The following CPA6 variants were observed in gnomAD, a reference collection of about 807,000 sequenced individuals.
The protein encoded by CPA6 is carboxypeptidase B.
CPA6 carries 58 observed loss-of-function variants against 63.3 expected under a neutral mutation model. The observed-to-expected ratio is 0.92, with a 90% CI of 0.74 to 1.14. The LOEUF is 1.14. Ranked by LOEUF, CPA6 falls within the 50% of genes most tolerant of loss-of-function variation. CPA6 has a pLI of 0.00. For missense variants in CPA6, 565 were observed against 526.6 expected (o/e 1.07, Z -0.71); for synonymous variants, 185 against 179.0 (o/e 1.03, Z -0.27).
At chr8:67,446,798 T>C (rs1178193132) in intron 8 of CPA6, among the ~76,000 whole-genome samples, 1 of 152,176 alleles carries the variant, frequency 6.6e-6, no homozygotes, top group African/African-American at 2.4e-5. Flanking sequence ...AAAGATTTCT[T>C]TTTTACTTGC....
At chr8:67,578,743 T>TA (rs556166146) in intron 2 of CPA6, among the ~76,000 whole-genome samples, 135 of 152,264 alleles carry the variant, frequency 8.9e-4, no homozygotes, top group African/African-American at 3.0e-3. Flanking sequence ...ATTTACATAA[T>TA]AAAAAAACAT....
At chr8:67,646,081 C>A (rs138946111) in intron 1 of CPA6, among the ~76,000 whole-genome samples, 25 of 152,310 alleles carry the variant, frequency 1.6e-4, no homozygotes, top group Non-Finnish European at 2.8e-4. Context: ...TCTGAAGAAC[C>A]TCTAACTTCA....
intron 2 of CPA6, among the ~76,000 whole-genome samples, chr8:67,554,665 T>A (rs1471218040): frequency 1.3e-5 from 2 of 152,142 alleles, no homozygotes; most frequent in Non-Finnish European, 2.9e-5. Context: ...AAGCCAATGG[T>A]GTAATTCTCA....
intron 2 of CPA6, among the ~76,000 whole-genome samples, chr8:67,580,114 G>A (rs767078355): frequency 7.9e-5 from 12 of 152,166 alleles, no homozygotes; most frequent in Non-Finnish European, 1.8e-4. Context: ...GGAAAGAAGG[G>A]AATACAAAGG....
chr8:67,594,324 C>T (rs1814229202), intron 2 of CPA6, among the ~76,000 whole-genome samples: 1 of 152,020 alleles, frequency 6.6e-6, no homozygotes, highest in African/African-American at 2.4e-5. Context: ...ACATTTTTTC[C>T]TTCATTTCAA....
At chr8:67,450,692 GTATCTAT>G (rs1315330534) in intron 8 of CPA6, among the ~76,000 whole-genome samples, 1 of 152,186 alleles carries the variant, frequency 6.6e-6, no homozygotes, top group Admixed American at 6.5e-5. Context: ...ATCTTGCCTT[GTATCTAT>G]TGGCTGTATA....
At chr8:67,437,317 C>T (rs184141121) in intron 8 of CPA6, among the ~76,000 whole-genome samples, 55 of 152,298 alleles carry the variant, frequency 3.6e-4, no homozygotes, top group African/African-American at 1.3e-3. Flanking sequence ...ATGGCACGAA[C>T]CCGGGAGGCG....
At chr8:67,533,127 T>TC (rs1460867239) in intron 2 of CPA6, among the ~76,000 whole-genome samples, 1 of 152,142 alleles carries the variant, frequency 6.6e-6, no homozygotes, top group Non-Finnish European at 1.5e-5. Flanking sequence ...GAAAAACCAC[T>TC]CAATCATGGA....
chr8:67,614,322 G>C (rs553804377), intron 2 of CPA6, among the ~76,000 whole-genome samples: 1 of 152,212 alleles, frequency 6.6e-6, no homozygotes, highest in South Asian at 2.1e-4. Context: ...TCTGCAAGGG[G>C]GATCAGGGAA....
intron 2 of CPA6, among the ~76,000 whole-genome samples, chr8:67,600,958 T>A (rs1043520201): frequency 6.6e-6 from 1 of 152,174 alleles, no homozygotes; most frequent in Non-Finnish European, 1.5e-5. Context: ...AAAACACTAC[T>A]CTTTATGGAG....
intron 2 of CPA6, among the ~76,000 whole-genome samples, chr8:67,602,143 AGAC>A (rs1814512671): frequency 6.6e-6 from 1 of 152,202 alleles, no homozygotes; most frequent in Admixed American, 6.5e-5. Flanking sequence ...AAAAGGGAGA[AGAC>A]AAATATATCT....
At chr8:67,737,450 T>C (rs546094332) in intron 1 of CPA6, among the ~76,000 whole-genome samples, 1 of 152,226 alleles carries the variant, frequency 6.6e-6, no homozygotes, top group Admixed American at 6.5e-5. Flanking sequence ...ATGTGTTTTT[T>C]TTCCCCCCTT....
At chr8:67,714,044 A>G (rs1817328327) in intron 1 of CPA6, among the ~76,000 whole-genome samples, 2 of 152,114 alleles carry the variant, frequency 1.3e-5, no homozygotes, top group South Asian at 2.1e-4. Flanking sequence ...TTTAAATATC[A>G]AGGTTAAAAT....
At chr8:67,446,571 G>T (rs1262698879) in intron 8 of CPA6, among the ~76,000 whole-genome samples, 1 of 152,126 alleles carries the variant, frequency 6.6e-6, no homozygotes, top group Non-Finnish European at 1.5e-5. Flanking sequence ...AAAAGCAGCA[G>T]AAATATTTGG....
At chr8:67,485,279 T>C (rs924496590) in intron 6 of CPA6, among the ~76,000 whole-genome samples, 2 of 152,184 alleles carry the variant, frequency 1.3e-5, no homozygotes, top group Non-Finnish European at 2.9e-5. Context: ...CTTACTTTTC[T>C]GTAAAAAGTT....
chr8:67,699,239 G>A (rs546674490), intron 1 of CPA6, among the ~76,000 whole-genome samples: 20 of 152,120 alleles, frequency 1.3e-4, no homozygotes, highest in East Asian at 9.7e-4. Context: ...GCAATGTGGC[G>A]AAGTCATGTC....
chr8:67,543,005 C>T (rs1358051038), intron 2 of CPA6, among the ~76,000 whole-genome samples: 1 of 152,164 alleles, frequency 6.6e-6, no homozygotes, highest in African/African-American at 2.4e-5. Context: ...TTGTAGTATT[C>T]GTTAAGAACT....
intron 8 of CPA6, among the ~76,000 whole-genome samples, chr8:67,483,128 A>T (rs547508925): frequency 5.3e-5 from 8 of 152,194 alleles, no homozygotes; most frequent in Non-Finnish European, 1.2e-4. Flanking sequence ...TTTTGATAAT[A>T]ATTTTCCATC....
At chr8:67,552,480 A>G (rs988747439) in intron 2 of CPA6, among the ~76,000 whole-genome samples, 2 of 152,220 alleles carry the variant, frequency 1.3e-5, no homozygotes, top group Non-Finnish European at 2.9e-5. Context: ...TGAACATATT[A>G]TAAAAAATGA....
Sources: gnomAD v4.1 joint callset for allele counts (sites outside exome capture counted in the v4.1 genomes callset) on GRCh38, gnomAD v4.1.1 for gene constraint, MANE v1.5 for transcripts, NCBI Gene and HGNC (gene_info 2026-07-23, HGNC 2026-07-21) for gene names.